The following SPATS2L variants were observed in gnomAD, a reference collection of about 807,000 sequenced individuals.
SPATS2L encodes SPATS2-like protein.
SPATS2L carries 30 observed loss-of-function variants against 59.6 expected under a neutral mutation model. The observed-to-expected ratio is 0.50, with a 90% confidence interval of 0.38 to 0.68. The LOEUF (loss-of-function observed/expected upper bound fraction) is 0.68. Ranked by LOEUF, SPATS2L falls within the 30% of genes least tolerant of loss-of-function variation. The pLI, the probability that SPATS2L is intolerant of heterozygous loss-of-function variation, is 0.00. For synonymous variants in SPATS2L, 252 were observed against 263.5 expected (o/e 0.96, Z 0.42); for missense variants, 615 against 700.0 (o/e 0.88, Z 1.37).
At chr2:200,419,101 G>A (rs1418701632) in intron 5 of SPATS2L, 149 bp from the exon 6 acceptor site, 4 of 705,548 alleles carry the variant, frequency 5.7e-6, no homozygotes, top group African/African-American at 1.8e-5. Flanking sequence ...AACTTGGGTG[G>A]TTAATAAAGA....
At position 200,412,190 on chromosome 2, in the gene SPATS2L, T is replaced by C. The variant is rs549730013; in HGVS notation, c.40-121T>C. ...TTGAGTATGCTTGATGACAAGAAGGTAGATTAGTTGGCTTTTCAAGGCCTT... is the reference window on the plus strand; with the variant it reads ...TTGAGTATGCTTGATGACAAGAAGGCAGATTAGTTGGCTTTTCAAGGCCTT... On this transcript the variant is annotated intron_variant, in intron 3 of 12. Transcript: ENST00000409140. 1.0e-5 allele frequency: 6 copies of C among 575,200 alleles called. No individual in the cohort carries two copies. The East Asian group carries it at 1.8e-4, about 17-fold the overall frequency. 35.6% of individuals were successfully genotyped at this position (575,200 alleles called of 1,614,324 possible).
chr2:200,458,113 G>C (rs2085979106), intron 8 of SPATS2L, among the ~76,000 whole-genome samples: 1 of 152,154 alleles, frequency 6.6e-6, no homozygotes, highest in African/African-American at 2.4e-5. Flanking sequence ...CAAAAGGGGA[G>C]AATCAAGCAT....
chr2:200,363,179 G>T (rs1485530123), intron 2 of SPATS2L, among the ~76,000 whole-genome samples: 1 of 151,904 alleles, frequency 6.6e-6, no homozygotes, highest in Non-Finnish European at 1.5e-5. Flanking sequence ...AAATGCTAAT[G>T]AATGAAAATT....
At chr2:200,363,052 C>T (rs2081159419) in intron 2 of SPATS2L, among the ~76,000 whole-genome samples, 1 of 152,130 alleles carries the variant, frequency 6.6e-6, no homozygotes, top group African/African-American at 2.4e-5. Context: ...CCACGGAAGC[C>T]GTACTGCCAT....
At chr2:200,475,725 G>A (rs2087463626) in intron 12 of SPATS2L, among the ~76,000 whole-genome samples, 1 of 152,110 alleles carries the variant, frequency 6.6e-6, no homozygotes, top group African/African-American at 2.4e-5. Context: ...CTTGCTCTAG[G>A]CTCTGAATTA....
intron 4 of SPATS2L, among the ~76,000 whole-genome samples, chr2:200,416,130 G>A (rs2083046997): frequency 6.6e-6 from 1 of 151,972 alleles, no homozygotes; most frequent in South Asian, 2.1e-4. Flanking sequence ...ACAATATAAT[G>A]ATAAAAAAGT....
chr2:200,424,913 C>T (rs1310196886), intron 6 of SPATS2L, among the ~76,000 whole-genome samples: 2 of 152,178 alleles, frequency 1.3e-5, no homozygotes, highest in African/African-American at 2.4e-5. Context: ...TTCCTTGGAA[C>T]AGAAGGCTCC....
chr2:200,341,853 A>C (rs982673950), intron 2 of SPATS2L, among the ~76,000 whole-genome samples: 1 of 151,350 alleles, frequency 6.6e-6, no homozygotes, highest in African/African-American at 2.4e-5. Flanking sequence ...CCACGCCCAG[A>C]TATTTTTTTT....
At chr2:200,476,094 A>G (rs941714889) in intron 12 of SPATS2L, among the ~76,000 whole-genome samples, 3 of 152,328 alleles carry the variant, frequency 2.0e-5, no homozygotes, top group Admixed American at 6.5e-5. Context: ...AGTGTTGGCT[A>G]TTACTGACCT....
At chr2:200,399,495 A>G (rs1343577218) in intron 3 of SPATS2L, among the ~76,000 whole-genome samples, 3 of 152,196 alleles carry the variant, frequency 2.0e-5, no homozygotes, top group Non-Finnish European at 2.9e-5. Flanking sequence ...AGTTTTTAAA[A>G]TTTTTAGTGG....
At chr2:200,328,581 C>G (rs1467549239) in intron 1 of SPATS2L, among the ~76,000 whole-genome samples, 1 of 152,172 alleles carries the variant, frequency 6.6e-6, no homozygotes, top group Non-Finnish European at 1.5e-5. Flanking sequence ...AGGCCCCGTC[C>G]CCTTCTTTCC....
chr2:200,324,285 G>A (rs983759305), intron 1 of SPATS2L, among the ~76,000 whole-genome samples: 4 of 152,142 alleles, frequency 2.6e-5, no homozygotes, highest in Non-Finnish European at 5.9e-5. Flanking sequence ...GAGTTCCTGA[G>A]GGATGTAAGT....
intron 2 of SPATS2L, among the ~76,000 whole-genome samples, chr2:200,346,937 A>C (rs958555334): frequency 6.6e-6 from 1 of 152,218 alleles, no homozygotes; most frequent in Admixed American, 6.5e-5. Flanking sequence ...ACATGCTTGC[A>C]GATCCTGTAT....
intron 8 of SPATS2L, among the ~76,000 whole-genome samples, chr2:200,448,160 G>A (rs1279673964): frequency 1.3e-5 from 2 of 152,052 alleles, no homozygotes; most frequent in African/African-American, 2.4e-5. Flanking sequence ...ACAAACAAAC[G>A]GGTGGGCACA....
chr2:200,327,887 C>T (rs1052938743), intron 1 of SPATS2L, among the ~76,000 whole-genome samples: 10 of 152,080 alleles, frequency 6.6e-5, no homozygotes, highest in Non-Finnish European at 1.3e-4. Flanking sequence ...CACATACACA[C>T]GCAAACAAAA....
At chr2:200,427,297 C>A (rs751491397) in intron 6 of SPATS2L, among the ~76,000 whole-genome samples, 2 of 151,900 alleles carry the variant, frequency 1.3e-5, no homozygotes, top group African/African-American at 4.8e-5. Context: ...ATACCTATAT[C>A]AAAATATCTC....
intron 6 of SPATS2L, among the ~76,000 whole-genome samples, chr2:200,424,527 G>A (rs2083449381): frequency 6.6e-6 from 1 of 152,092 alleles, no homozygotes; most frequent in African/African-American, 2.4e-5. Context: ...TTTACTAAAA[G>A]TAGTGCCAAG....
At chr2:200,313,157 C>T (rs1004868244) in intron 1 of SPATS2L, among the ~76,000 whole-genome samples, 3 of 152,190 alleles carry the variant, frequency 2.0e-5, no homozygotes, top group Non-Finnish European at 2.9e-5. Flanking sequence ...ATTTACCTAT[C>T]GGTCTGCACA....
At chr2:200,440,195 C>A (rs908064700) in intron 7 of SPATS2L, among the ~76,000 whole-genome samples, 7 of 152,228 alleles carry the variant, frequency 4.6e-5, no homozygotes, top group Non-Finnish European at 1.5e-5. Flanking sequence ...CCAGTGCCAG[C>A]GTACCTGGCA....
Sources: allele counts gnomAD v4.1 joint callset (sites outside exome capture counted in the v4.1 genomes callset), GRCh38; gene constraint gnomAD v4.1.1; transcripts MANE v1.5; gene names NCBI Gene and HGNC (gene_info 2026-07-23, HGNC 2026-07-21).